TOX: variants seen among roughly 807,000 people sequenced by gnomAD.
The protein encoded by TOX is thymocyte selection associated high mobility group box.
TOX carries 11 observed loss-of-function variants against 53.7 expected under a neutral mutation model. The observed-to-expected ratio is 0.20, with a 90% CI of 0.13 to 0.34. The LOEUF is 0.34. TOX is among the 10% of genes least tolerant of loss of function. The probability of loss-of-function intolerance (pLI) is 1.00; values close to 1 mark genes in which losing one functional copy is unlikely to be tolerated. For synonymous variants in TOX, 225 were observed against 245.3 expected (o/e 0.92, Z 0.77); for missense variants, 570 against 664.6 (o/e 0.86, Z 1.56).
chr8:59,114,407 C>T (rs982296546), intron 1 of TOX, among the ~76,000 whole-genome samples: 4 of 152,168 alleles, frequency 2.6e-5, no homozygotes, highest in East Asian at 1.9e-4. Context: ...AAGATAGCTA[C>T]ATTTGAAACT....
chr8:59,096,626 A>G (rs1429561398), intron 1 of TOX, among the ~76,000 whole-genome samples: 1 of 152,202 alleles, frequency 6.6e-6, no homozygotes, highest in South Asian at 2.1e-4. Flanking sequence ...ACAGATAATG[A>G]TCATAATACT....
At chr8:58,905,919 A>G (rs1047160024) in intron 3 of TOX, among the ~76,000 whole-genome samples, 3 of 152,198 alleles carry the variant, frequency 2.0e-5, no homozygotes, top group Admixed American at 2.0e-4. Flanking sequence ...AAAGCATCTC[A>G]TAATTTCACC....
In TOX at chr8:58,851,491, C is replaced by T; in HGVS notation, c.693+33G>A. The stretch of plus-strand genomic sequence containing the variant: ...GTCAAAGAAGGTGCCTAAGAATAGT[C>T]TCCCATAGGTCCTAAAAATAACTTA... On this transcript the variant is annotated intron_variant, in intron 4 of 8. Coordinates refer to ENST00000361421, the MANE Select transcript of TOX (RefSeq NM_014729.3). This position sits in a 1 kb window ranked among gnomAD's most constrained non-coding sequence, Gnocchi z 4.4. The T allele has an allele frequency of 1.2e-6, 2 of 1,606,228 alleles. No homozygotes were observed. The highest frequency in any genetic ancestry group is 1.7e-6 in the Non-Finnish European group (2 of 1,175,964).
At chr8:59,009,844 T>C (rs1813867712) in intron 1 of TOX, among the ~76,000 whole-genome samples, 1 of 152,180 alleles carries the variant, frequency 6.6e-6, no homozygotes. Context: ...TACCATTTAA[T>C]CTCATTTGCA....
intron 1 of TOX, among the ~76,000 whole-genome samples, chr8:59,005,661 T>C (rs575821596): frequency 5.3e-5 from 8 of 152,366 alleles, no homozygotes; most frequent in African/African-American, 1.7e-4. Context: ...CTTTATTTTT[T>C]TTAATGAGCA....
chr8:58,903,546 T>A (rs1811764166), intron 3 of TOX, among the ~76,000 whole-genome samples: 1 of 152,244 alleles, frequency 6.6e-6, no homozygotes, highest in African/African-American at 2.4e-5. Flanking sequence ...CAATGGTATT[T>A]AGAATTGGAC....
chr8:59,080,757 A>G (rs1804392790), intron 1 of TOX, among the ~76,000 whole-genome samples: 1 of 152,036 alleles, frequency 6.6e-6, no homozygotes, highest in African/African-American at 2.4e-5. Context: ...CCTGTTTTCA[A>G]CATGTGATGT....
chr8:59,055,141 CT>C lies in TOX; in HGVS notation c.102+63744del, dbSNP rs1209535662. Reference sequence around the variant, plus strand: ...ATGTGACAACCAGCTTGCTTTATTACTTTGTATACTCCTAGAGTTGATTCAA... The same window carrying C: ...ATGTGACAACCAGCTTGCTTTATTACTTGTATACTCCTAGAGTTGATTCAA... On this transcript the variant is annotated intron_variant, in intron 1 of 8. Coordinates refer to ENST00000361421, the MANE Select transcript of TOX (RefSeq NM_014729.3). Among the ~76,000 whole-genome samples the C allele has an allele frequency of 4.6e-5, 7 of 152,280 alleles. No homozygotes were observed. In the East Asian group the frequency reaches 1.4e-3, roughly 29 times the overall value.
chr8:59,098,178 A>G (rs554238123), intron 1 of TOX, among the ~76,000 whole-genome samples: 1 of 152,356 alleles, frequency 6.6e-6, no homozygotes, highest in South Asian at 2.1e-4. Context: ...GCCAGGTTCA[A>G]CAGCACAGAG....
intron 1 of TOX, among the ~76,000 whole-genome samples, chr8:58,983,563 G>A (rs554715936): frequency 9.8e-5 from 15 of 152,294 alleles, no homozygotes; most frequent in Admixed American, 7.8e-4. Flanking sequence ...ATCTACGATG[G>A]TTGTTAAAAC....
At position 59,110,676 on chromosome 8, in the gene TOX, A is replaced by G. The variant is rs1804999849; in HGVS notation, c.102+8210T>C. ...CAGTGCAAAACAGACAACAGCCCTC[A>G]TAATAGCATCTCTCCTTAGGTGCAC... On this transcript the variant is annotated intron_variant, in intron 1 of 8. Coordinates refer to ENST00000361421, the MANE Select transcript of TOX (RefSeq NM_014729.3). Among the ~76,000 whole-genome samples the G allele has an allele frequency of 2.6e-5, 4 of 152,110 alleles. No individual in the cohort carries two copies. The South Asian group carries it at 8.3e-4, about 32-fold the overall frequency.
chr8:59,035,289 GA>G (rs1814436431), intron 1 of TOX, among the ~76,000 whole-genome samples: 1 of 150,620 alleles, frequency 6.6e-6, no homozygotes, highest in South Asian at 2.1e-4. Context: ...GTGTGTAGAT[GA>G]AAATTAGAGC....
chr8:59,038,983 C>T (rs76966961), intron 1 of TOX, among the ~76,000 whole-genome samples: 3,324 of 152,316 alleles, frequency 0.022, 85 homozygotes, highest in South Asian at 0.088. Context: ...TCCACACCAG[C>T]TTTGGCCTCA....
chr8:59,043,861 C>G (rs1803639358), intron 1 of TOX, among the ~76,000 whole-genome samples: 1 of 152,152 alleles, frequency 6.6e-6, no homozygotes, highest in African/African-American at 2.4e-5. Flanking sequence ...GCATTCAGCC[C>G]TGAATTCATT....
At chr8:58,971,810 CG>C (rs1485100241) in intron 1 of TOX, among the ~76,000 whole-genome samples, 5 of 152,224 alleles carry the variant, frequency 3.3e-5, no homozygotes, top group Non-Finnish European at 7.4e-5. Flanking sequence ...CTTGCCTTAG[CG>C]TCCACAGCAG....
intron 1 of TOX, among the ~76,000 whole-genome samples, chr8:58,980,452 T>C (rs1021605718): frequency 3.5e-4 from 53 of 152,370 alleles, no homozygotes; most frequent in Middle Eastern, 3.4e-3. Flanking sequence ...CACAGTGTCT[T>C]GAACCTACTC....
At chr8:58,814,089 G>T (rs1197875173) in intron 7 of TOX, among the ~76,000 whole-genome samples, 1 of 152,060 alleles carries the variant, frequency 6.6e-6, no homozygotes, top group African/African-American at 2.4e-5. Context: ...AAGAAGAGGT[G>T]GTGTATTAAA....
chr8:58,833,392 T>C (rs1810495977), intron 5 of TOX, among the ~76,000 whole-genome samples: 1 of 152,168 alleles, frequency 6.6e-6, no homozygotes, highest in South Asian at 2.1e-4. Flanking sequence ...GGACGAGCTC[T>C]TTTATTTTGT....
intron 1 of TOX, among the ~76,000 whole-genome samples, chr8:59,014,108 A>G (rs1487593846): frequency 1.3e-5 from 2 of 152,222 alleles, no homozygotes; most frequent in African/African-American, 4.8e-5. Flanking sequence ...GTAATCATCC[A>G]GCATCTTTAA....
Sources: allele counts gnomAD v4.1 joint callset (sites outside exome capture counted in the v4.1 genomes callset), GRCh38; gene constraint gnomAD v4.1.1; non-coding constraint Gnocchi (gnomAD v3.1); transcripts MANE v1.5; gene names NCBI Gene and HGNC (gene_info 2026-07-23, HGNC 2026-07-21).